Variants in FBXL16 observed in about 807,000 individuals in gnomAD.
FBXL16 encodes F-box and leucine rich repeat protein 16.
FBXL16 carries 7 observed loss-of-function variants against 36.7 expected under a neutral mutation model. That is an observed-to-expected ratio of 0.19 (90% CI 0.11 to 0.36). FBXL16 has a LOEUF of 0.36. Ranked by LOEUF, FBXL16 falls within the 10% of genes least tolerant of loss-of-function variation. FBXL16 has a pLI of 1.00. For synonymous variants in FBXL16, 355 were observed against 308.7 expected, an observed-to-expected ratio of 1.15 and a Z score of -1.57; for missense variants, 463 against 659.4, an observed-to-expected ratio of 0.70 and a Z score of 3.26.
At position 697,999 on chromosome 16, in the gene FBXL16, C is replaced by CAAA. The variant is rs75619896; in HGVS notation, c.-14-583_-14-581dup. 4.5e-5 allele frequency among the ~76,000 whole-genome samples: 6 copies of CAAA among 133,364 alleles called. No homozygotes were observed. Among genetic ancestry groups the CAAA allele is most frequent in the African/African-American group, 1.6e-4 (6 of 36,538 alleles). The allele number at this position is 133,364 out of a possible 152,430, so 87.5% of individuals were successfully genotyped here. ...TGGGCAACTGAGCAAGACTCTGTCT[C>CAAA]AAAAAAAAAAAAAAGAAACAGTTTC... On this transcript the variant is annotated intron_variant, in intron 1 of 5. Coordinates refer to ENST00000397621, the MANE Select transcript of FBXL16 (RefSeq NM_153350.4). This position sits in a 1 kb window ranked among gnomAD's most constrained non-coding sequence, Gnocchi z 4.6.
Position 695,445 on chromosome 16 carries a change from A to T in FBXL16, c.1112T>A (p.Leu371Gln). 6.4e-7 allele frequency: 1 copy of T among 1,551,640 alleles called. No homozygotes were observed. The highest frequency in any genetic ancestry group is 8.7e-7 in the Non-Finnish European group (1 of 1,155,480). ...DMALEYVACD[L>Q]HRLEELVLDR... ...GAGCACGAGCTCCTCTAGGCGGTGC[A>T]GGTCGCAGGCCACGTACTCCAGCGC... is the stretch of plus-strand genomic sequence containing the variant. Residue 371 changes from leucine to glutamine, a missense_variant, in exon 3 of 6, where the codon CTG becomes CAG. Leu to Gln is a moderately radical substitution (Grantham distance 113, BLOSUM62 -2). Coordinates refer to ENST00000397621, the MANE Select transcript of FBXL16 (RefSeq NM_153350.4).
chr16:698,002 A>T (rs1162292562), intron 1 of FBXL16, among the ~76,000 whole-genome samples: 1 of 151,030 alleles, frequency 6.6e-6, no homozygotes, highest in East Asian at 1.9e-4. Context: ...TCTGTCTCAA[A>T]AAAAAAAAAA....
chr16:695,026 G>A lies in FBXL16; in HGVS notation c.1193C>T (p.Ser398Phe). ...CCATCGCAGGTAGAGGCTGCGGAGG[G>A]ACGACATGGTGGACAGATAGCTGAG... is the stretch of plus-strand genomic sequence containing the variant. ...TGLSYLSTMS[S>F]LRSLYLRWCC... The change falls in exon 4 of 6, where the codon TCC becomes TTC. Residue 398 changes from serine (S) to phenylalanine (F), a missense_variant. Ser to Phe is a radical substitution (Grantham distance 155). This residue lies in a region of FBXL16 where 134 missense variants were observed against 172.0 expected (regional missense o/e 0.78). Coordinates refer to ENST00000397621, the MANE Select transcript of FBXL16 (RefSeq NM_153350.4). 1 of 1,575,570 alleles carries A rather than the reference G, an allele frequency of 6.3e-7. No homozygotes were observed. Among genetic ancestry groups the A allele is most frequent in the Non-Finnish European group, 8.6e-7 (1 of 1,156,200 alleles).
At position 697,670 on chromosome 16, in the gene FBXL16, T is replaced by G. The variant is rs2040024906; in HGVS notation, c.-14-251A>C. On this transcript the variant is annotated intron_variant, in intron 1 of 5. Transcript: ENST00000397621. The surrounding 1 kb of genome is among the most constrained non-coding windows in gnomAD (Gnocchi z 4.6). ...CACTGAGCCCAACCTTCATTGCCCA[T>G]GGACACCCTCTTTTTCTTTTGTTTT... is the stretch of plus-strand genomic sequence containing the variant. Among the ~76,000 whole-genome samples, 3 of 152,150 alleles carry G rather than the reference T, an allele frequency of 2.0e-5. No individual in the cohort carries two copies. Among genetic ancestry groups the G allele is most frequent in the African/African-American group, 7.2e-5 (3 of 41,450 alleles).
chr16:694,563 C>T, intron 5 of FBXL16, 71 bp downstream of exon 5: 1 of 1,532,722 alleles, frequency 6.5e-7, no homozygotes, highest in Non-Finnish European at 8.9e-7. Context: ...AAGGACCGGG[C>T]AGGTTGGGCG....
intron 1 of FBXL16, among the ~76,000 whole-genome samples, chr16:704,193 G>A (rs1292728030): frequency 6.6e-6 from 1 of 152,214 alleles, no homozygotes; most frequent in Non-Finnish European, 1.5e-5. Flanking sequence ...GCAACACAAG[G>A]CTTCCTGGGT....
rs1305950768 is a variant in FBXL16 at position 705,515 on chromosome 16, G to C, written c.-18C>G. On this transcript the variant is annotated 5_prime_UTR_variant, in exon 1 of 6. Coordinates refer to ENST00000397621, the MANE Select transcript of FBXL16 (RefSeq NM_153350.4). ...CCCGGCCGCACGCGCACCTTACCTC[G>C]GCCCGGGCTCCTGGCTCATGCCACG... 1 of 142,328 alleles carries C rather than the reference G, an allele frequency of 7.0e-6. No homozygotes were observed. The highest frequency in any genetic ancestry group is 1.5e-5 in the Non-Finnish European group (1 of 66,214). The allele number at this position is 142,328 out of a possible 1,614,324, so 8.8% of individuals were successfully genotyped here.
chr16:703,368 T>C (rs2040070210), intron 1 of FBXL16, among the ~76,000 whole-genome samples: 1 of 152,026 alleles, frequency 6.6e-6, no homozygotes, highest in Non-Finnish European at 1.5e-5. Flanking sequence ...GGTGCCCCCA[T>C]CTCTGTCAGC....
chr16:698,662 A>C (rs1243464730), intron 1 of FBXL16, among the ~76,000 whole-genome samples: 1 of 152,204 alleles, frequency 6.6e-6, no homozygotes, highest in African/African-American at 2.4e-5. Flanking sequence ...GATGCCTGTA[A>C]TTCTAGCACT....
Position 694,097 on chromosome 16 carries a change from G to T in FBXL16, c.*178C>A. 3 of 313,622 alleles carry T rather than the reference G, an allele frequency of 9.6e-6. No individual in the cohort carries two copies. 19.4% of individuals were successfully genotyped at this position (313,622 alleles called of 1,614,324 possible). ...GCCCCCCTGCCCGGGGCGGGGCTGG[G>T]AGGGCGGAGGGACCGAAGGTCGGGG... On this transcript the variant is annotated 3_prime_UTR_variant, in exon 6 of 6. Coordinates refer to ENST00000397621, the MANE Select transcript of FBXL16 (RefSeq NM_153350.4).
At chr16:700,174 G>A (rs1325276403) in intron 1 of FBXL16, among the ~76,000 whole-genome samples, 3 of 152,040 alleles carry the variant, frequency 2.0e-5, no homozygotes, top group South Asian at 2.1e-4. Flanking sequence ...GGTGTAGACC[G>A]GAGCCGGGAC....
chr16:705,215 C>T (rs899643539), intron 1 of FBXL16, among the ~76,000 whole-genome samples: 3 of 152,170 alleles, frequency 2.0e-5, no homozygotes, highest in Non-Finnish European at 2.9e-5. Flanking sequence ...CGGGGGCCTA[C>T]AATTCCTCCT....
chr16:694,491 G>C (rs2039995259), intron 5 of FBXL16, 68 bp from the exon 6 acceptor site: 1 of 1,488,788 alleles, frequency 6.7e-7, no homozygotes, highest in Non-Finnish European at 9.0e-7. Context: ...GCCGGGCCGC[G>C]CCTCCCTCCT....
chr16:704,154 C>A (rs919636637), intron 1 of FBXL16, among the ~76,000 whole-genome samples: 1 of 152,250 alleles, frequency 6.6e-6, no homozygotes, highest in African/African-American at 2.4e-5. Context: ...CTGAACAGTG[C>A]CACCTGGGTG....
intron 5 of FBXL16, 95 bp downstream of exon 5, chr16:694,539 G>A: frequency 6.6e-7 from 1 of 1,515,718 alleles, no homozygotes. Context: ...TCCGCGCCGG[G>A]TGTGAGTTTG....
intron 1 of FBXL16, among the ~76,000 whole-genome samples, chr16:702,881 C>T (rs2151522819): frequency 6.6e-6 from 1 of 152,336 alleles, no homozygotes. Flanking sequence ...GGCTGCCCGT[C>T]CTCCACCATC....
rs1009199877 is a variant in FBXL16 at position 694,289 on chromosome 16, G to C, written c.1426C>G (p.Leu476Val). The part of the protein sequence containing the change: ...KYFSQHLPRC[L>V]VIE ...GGGGCCTCGCGCTACTCAATGACGA[G>C]GCAGCGGGGCAGGTGCTGCGAGAAA... The change falls in exon 6 of 6, where the codon CTC (leucine) becomes GTC (valine). Residue 476 changes from leucine (L) to valine (V), a missense_variant. By Grantham distance (32) the Leu-to-Val change is conservative. Coordinates refer to ENST00000397621, the MANE Select transcript of FBXL16 (RefSeq NM_153350.4). 1.4e-6 allele frequency: 2 copies of C among 1,430,792 alleles called. No homozygotes were observed. The highest frequency in any genetic ancestry group is 3.0e-5 in the African/African-American group (2 of 66,822). 88.6% of individuals were successfully genotyped at this position (1,430,792 alleles called of 1,614,324 possible). A position where few individuals can be genotyped will look rare whatever the true frequency, so the allele number is the denominator to read the frequency against.
chr16:700,081 G>T (rs1012418242), intron 1 of FBXL16, among the ~76,000 whole-genome samples: 1 of 152,148 alleles, frequency 6.6e-6, no homozygotes, highest in Admixed American at 6.5e-5. Context: ...GTCCTGCCCC[G>T]CTCTTCCCAG....
chr16:704,796 G>C (rs2040079687), intron 1 of FBXL16, among the ~76,000 whole-genome samples: 2 of 152,250 alleles, frequency 1.3e-5, no homozygotes, highest in Admixed American at 6.5e-5. Context: ...AGAGCCTGGA[G>C]CCTGGGAAGG....
Sources: gnomAD v4.1 joint callset for allele counts (sites outside exome capture counted in the v4.1 genomes callset) on GRCh38, gnomAD v4.1.1 for gene constraint, gnomAD v4.1.1 regional missense constraint, Gnocchi (gnomAD v3.1) non-coding constraint, MANE v1.5 for transcripts, NCBI Gene and HGNC (gene_info 2026-07-23, HGNC 2026-07-21) for gene names.